Variants in ARL6IP1 observed in about 807,000 individuals in gnomAD.
ARL6IP1 encodes ARL6 interacting reticulophagy regulator 1.
ARL6IP1 carries 16 observed loss-of-function variants against 30.1 expected under a neutral mutation model. The ratio of observed to expected loss-of-function variants is 0.53; its 90% CI spans 0.36 to 0.81. ARL6IP1 has a LOEUF of 0.81. Ranked by LOEUF, ARL6IP1 falls within the 30% of genes least tolerant of loss-of-function variation. The pLI is 0.01. For synonymous variants in ARL6IP1, 72 were observed against 84.8 expected (o/e 0.85, Z 0.83); for missense variants, 173 against 242.7 (o/e 0.71, Z 1.91).
At chr16:18,799,151 T>G (rs1018994908) in intron 1 of ARL6IP1, among the ~76,000 whole-genome samples, 1 of 152,046 alleles carries the variant, frequency 6.6e-6, no homozygotes, top group African/African-American at 2.4e-5. Context: ...TCCTGAGTAG[T>G]TGGGACTATA....
In ARL6IP1 at chr16:18,801,491, A is replaced by T. The variant is rs2030411418; in HGVS notation, c.-25T>A. On this transcript the variant is annotated 5_prime_UTR_variant, in exon 1 of 6. It adds an upstream start codon to the 5' untranslated region. Coordinates refer to ENST00000304414, the MANE Select transcript of ARL6IP1 (RefSeq NM_015161.3). Reference sequence around the variant, plus strand: ...TCGTCTCGGGGATGCAGTCTCTACAAGCGCAGGCCACCTCCCCAACGAGTC... The same window carrying T: ...TCGTCTCGGGGATGCAGTCTCTACATGCGCAGGCCACCTCCCCAACGAGTC... 2 of 1,610,312 alleles carry T rather than the reference A, an allele frequency of 1.2e-6. No individual in the cohort carries two copies. The highest frequency in any genetic ancestry group is 1.7e-6 in the Non-Finnish European group (2 of 1,178,784).
chr16:18,801,008 C>T (rs907257218), intron 1 of ARL6IP1, among the ~76,000 whole-genome samples: 1 of 152,236 alleles, frequency 6.6e-6, no homozygotes, highest in East Asian at 1.9e-4. Flanking sequence ...TGACCCTCCA[C>T]CCTTGTCCAA....
At chr16:18,795,317 T>A in intron 4 of ARL6IP1, 147 bp downstream of exon 4, 2 of 509,260 alleles carry the variant, frequency 3.9e-6, no homozygotes, top group Non-Finnish European at 6.9e-6. Flanking sequence ...TTAAAATGAT[T>A]CAGTCTAATT....
chr16:18,795,233 A>C (rs1438018309), intron 4 of ARL6IP1: 1 of 383,338 alleles, frequency 2.6e-6, no homozygotes, highest in African/African-American at 2.1e-5. Flanking sequence ...CTATTATTTC[A>C]GTAAGAAAAA....
intron 4 of ARL6IP1, chr16:18,795,047 C>T (rs2030189920): frequency 5.3e-6 from 1 of 190,292 alleles, no homozygotes. Context: ...GACAGAGTCT[C>T]ATTCTGTCAC....
intron 1 of ARL6IP1, among the ~76,000 whole-genome samples, chr16:18,799,168 C>T (rs1220884904): frequency 1.3e-5 from 2 of 152,056 alleles, no homozygotes; most frequent in South Asian, 2.1e-4. Context: ...TATAGGCGCC[C>T]GCCACCACGC....
intron 1 of ARL6IP1, among the ~76,000 whole-genome samples, chr16:18,799,180 C>T (rs1347158679): frequency 6.6e-6 from 1 of 152,054 alleles, no homozygotes; most frequent in African/African-American, 2.4e-5. Context: ...CCACCACGCC[C>T]GACTAATTTT....
At chr16:18,801,140 C>G in intron 1 of ARL6IP1, 1 of 1,338,544 alleles carries the variant, frequency 7.5e-7, no homozygotes, top group Non-Finnish European at 9.6e-7. Flanking sequence ...TCTGCCCCCA[C>G]CCGCACCCCA....
In ARL6IP1 at chr16:18,794,659, G is replaced by C. The variant is rs781061128; in HGVS notation, c.433C>G (p.Leu145Val). ...KMYFMTMIVSLAAVAWVGQQV... is the reference protein window; with the variant it reads ...KMYFMTMIVSVAAVAWVGQQV... ...TGTCCCACCCAAGCAACCGCAGCAAGGGAAACGATCATGGTCATGAAGTAC... is the reference window on the plus strand; with the variant it reads ...TGTCCCACCCAAGCAACCGCAGCAACGGAAACGATCATGGTCATGAAGTAC... Residue 145 changes from leucine (L) to valine (V), a missense_variant, in exon 5 of 6, where the codon CTT (leucine) becomes GTT (valine). Physicochemically the swap from Leu to Val is conservative, Grantham distance 32 (BLOSUM62 1). Coordinates refer to ENST00000304414, the MANE Select transcript of ARL6IP1 (RefSeq NM_015161.3). The C allele has an allele frequency of 2.5e-6, 4 of 1,613,068 alleles. No homozygotes were observed. In the African/African-American group the frequency reaches 5.3e-5, roughly 22 times the overall value.
chr16:18,793,379 A>T lies in ARL6IP1; in HGVS notation c.494-9T>A, dbSNP rs187822079. 1.1e-3 allele frequency: 1,627 copies of T among 1,472,622 alleles called. 2 individuals are homozygous for T. Among genetic ancestry groups the T allele is most frequent in the African/African-American group, 2.0e-3 (142 of 70,086 alleles). The allele number at this position is 1,472,622 out of a possible 1,614,324, so 91.2% of individuals were successfully genotyped here. ...CAATAGTAAGGAAGTCACTTAAAAT[A>T]AAAAAAAACCCAACATTAAGGAGGC... On this transcript the variant is annotated splice_polypyrimidine_tract_variant and intron_variant, in intron 5 of 5. Transcript: ENST00000304414.
chr16:18,798,222 G>C (rs1389071100), intron 2 of ARL6IP1, 178 bp from the exon 3 acceptor site: 1 of 562,006 alleles, frequency 1.8e-6, no homozygotes, highest in Non-Finnish European at 3.1e-6. Context: ...TATCATAGCT[G>C]CAGTGGTTAA....
In ARL6IP1 at chr16:18,794,632, G is replaced by C. The variant is rs1179926722; in HGVS notation, c.460C>G (p.Gln154Glu). ...TAGGTGAGAAGCAGGTTGTGGACTTGTTGTCCCACCCAAGCAACCGCAGCA... is the reference window on the plus strand; with the variant it reads ...TAGGTGAGAAGCAGGTTGTGGACTTCTTGTCCCACCCAAGCAACCGCAGCA... The part of the protein sequence containing the change: ...SLAAVAWVGQ[Q>E]VHNLLLTYLI... The change falls in exon 5 of 6, where the codon CAA becomes GAA. Residue 154 changes from glutamine to glutamate, a missense_variant. By Grantham distance (29) the Gln-to-Glu change is conservative. Coordinates refer to ENST00000304414, the MANE Select transcript of ARL6IP1 (RefSeq NM_015161.3). The C allele has an allele frequency of 6.2e-6, 10 of 1,613,446 alleles. No individual in the cohort carries two copies. The highest frequency in any genetic ancestry group is 8.5e-6 in the Non-Finnish European group (10 of 1,179,590).
intron 4 of ARL6IP1, 59 bp downstream of exon 4, chr16:18,795,405 A>C: frequency 8.3e-7 from 1 of 1,210,094 alleles, no homozygotes; most frequent in Non-Finnish European, 1.2e-6. Context: ...TAAGACAAAA[A>C]GGCGAATTGA....
intron 5 of ARL6IP1, 61 bp from the exon 6 acceptor site, chr16:18,793,431 C>CA: frequency 1.6e-6 from 1 of 607,960 alleles, no homozygotes; most frequent in South Asian, 2.5e-5. Context: ...AAGGTTATTA[C>CA]TTTTTTTTTT....
At chr16:18,798,311 G>A in intron 2 of ARL6IP1, 1 of 344,096 alleles carries the variant, frequency 2.9e-6, no homozygotes, top group Non-Finnish European at 5.3e-6. Flanking sequence ...ACTAGGGGAG[G>A]GATAGCATTA....
At position 18,798,429 on chromosome 16, in the gene ARL6IP1, A is replaced by G. The variant is rs994477368; in HGVS notation, c.170+272T>C. The stretch of plus-strand genomic sequence containing the variant: ...TGTACATTCTACACATGTTTCCCAG[A>G]ACTTAAAGTATAATAACAAAAAAAG... On this transcript the variant is annotated intron_variant, in intron 2 of 5. Transcript: ENST00000304414. 5 of 370,258 alleles carry G rather than the reference A, an allele frequency of 1.4e-5. No individual in the cohort carries two copies. The East Asian group carries it at 1.4e-4, about 10-fold the overall frequency. 22.9% of individuals were successfully genotyped at this position (370,258 alleles called of 1,614,324 possible).
chr16:18,798,487 A>G (rs916933021), intron 2 of ARL6IP1: 2 of 488,180 alleles, frequency 4.1e-6, no homozygotes, highest in Non-Finnish European at 3.5e-6. Flanking sequence ...AAAGTTTGCG[A>G]GTCACTGATT....
At chr16:18,799,979 A>G (rs1440014159) in intron 1 of ARL6IP1, among the ~76,000 whole-genome samples, 1 of 151,782 alleles carries the variant, frequency 6.6e-6, no homozygotes, top group Non-Finnish European at 1.5e-5. Flanking sequence ...GTCGGGGGGG[A>G]TTGCTTGAGC....
chr16:18,794,783 C>T (rs776033433), intron 4 of ARL6IP1, 100 bp from the exon 5 acceptor site: 177 of 813,850 alleles, frequency 2.2e-4, no homozygotes, highest in Non-Finnish European at 2.3e-4. Context: ...TTTCAAAGTT[C>T]GGGAAATAAT....
Sources: allele counts gnomAD v4.1 joint callset (sites outside exome capture counted in the v4.1 genomes callset), GRCh38; gene constraint gnomAD v4.1.1; transcripts MANE v1.5; gene names NCBI Gene and HGNC (gene_info 2026-07-23, HGNC 2026-07-21).